TTLL10: variants seen among roughly 807,000 people sequenced by gnomAD.
The protein encoded by TTLL10 is tubulin tyrosine ligase like 10.
TTLL10 carries 61 observed loss-of-function variants against 69.0 expected under a neutral mutation model. That is an observed-to-expected ratio of 0.88 (90% CI 0.72 to 1.09). TTLL10 has a LOEUF of 1.09. TTLL10 is among the 50% of genes least tolerant of loss of function. The pLI, the probability that TTLL10 is intolerant of heterozygous loss-of-function variation, is 0.00. For missense variants in TTLL10, 962 were observed against 945.9 expected (o/e 1.02, Z -0.22); for synonymous variants, 408 against 393.3 (o/e 1.04, Z -0.44).
chr1:1,183,647 C>T (rs1168021704), intron 11 of TTLL10, among the ~76,000 whole-genome samples: 1 of 152,252 alleles, frequency 6.6e-6, no homozygotes, highest in Non-Finnish European at 1.5e-5. Flanking sequence ...TCCTTCCCTT[C>T]CTCTCCAAAG....
At position 1,197,751 on chromosome 1, in the gene TTLL10, G is replaced by C; in HGVS notation, c.1926G>C (p.Thr642=). 3.3e-6 allele frequency: 5 copies of C among 1,535,294 alleles called. No individual in the cohort carries two copies. Among genetic ancestry groups the C allele is most frequent in the Non-Finnish European group, 4.4e-6 (5 of 1,142,880 alleles). Reference sequence around the variant, plus strand: ...ATGGGGAGCCCCAGGCCCCGGGCACGGAGCAGTCGGGCACAGGCAACAGGC... The same window carrying C: ...ATGGGGAGCCCCAGGCCCCGGGCACCGAGCAGTCGGGCACAGGCAACAGGC... ...AHDGEPQAPG[T]EQSGTGNRHP... is the part of the protein sequence containing the mutation. The change falls in exon 16 of 16, where the codon ACG becomes ACC. Residue 642 remains threonine (T), a synonymous_variant. Transcript: ENST00000379289.
chr1:1,180,919 C>T, intron 8 of TTLL10, 59 bp downstream of exon 8: 1 of 1,442,292 alleles, frequency 6.9e-7, no homozygotes, highest in Non-Finnish European at 9.2e-7. Flanking sequence ...CTGCCCCTGC[C>T]CCTGCCCCTG....
At chr1:1,182,799 A>G (rs1647112995) in intron 10 of TTLL10, 77 bp from the exon 11 acceptor site, 58 of 1,470,912 alleles carry the variant, frequency 3.9e-5, no homozygotes, top group Non-Finnish European at 4.7e-5. Flanking sequence ...CCTGGAGGGG[A>G]GGGTCCTGGT....
At position 1,179,734 on chromosome 1, in the gene TTLL10, G is replaced by T. The variant is rs552718861; in HGVS notation, c.196G>T (p.Val66Phe). 3.9e-6 allele frequency: 6 copies of T among 1,548,892 alleles called. No homozygotes were observed. Among genetic ancestry groups the T allele is most frequent in the Non-Finnish European group, 5.2e-6 (6 of 1,146,224 alleles). ...GPCPAPGHCP[V>F]GPAHERPMGS... is the part of the protein sequence containing the mutation. ...CTGCCCTGCACCAGGCCACTGCCCT[G>T]TTGGTGAGGAGGGTCGGAGGGGCGA... Residue 66 changes from valine to phenylalanine, a missense_variant, in exon 5 of 16, where the codon GTT (valine) becomes TTT (phenylalanine). Coordinates refer to ENST00000379289, the MANE Select transcript of TTLL10 (RefSeq NM_001130045.2).
intron 3 of TTLL10, chr1:1,175,005 AC>A (rs1646831322): frequency 6.5e-6 from 1 of 152,696 alleles, no homozygotes; most frequent in Non-Finnish European, 1.5e-5. Context: ...AATCCCAGCT[AC>A]TCAGGAGGCT....
chr1:1,176,316 G>A (rs1247924399), intron 3 of TTLL10: 3 of 447,794 alleles, frequency 6.7e-6, no homozygotes, highest in Non-Finnish European at 1.3e-5. Flanking sequence ...TGTGCAGGTG[G>A]AGAGAGGCTG....
intron 3 of TTLL10, chr1:1,175,258 T>C: frequency 4.9e-6 from 1 of 203,240 alleles, no homozygotes. Flanking sequence ...AATCAGCACC[T>C]GGCTGCCTCT....
chr1:1,180,302 G>C lies in TTLL10; in HGVS notation c.468G>C (p.Gly156=). ...CATCGCCCCACAGCACCCGGCCGGG[G>C]CCCTTCTTCTACATTGGAGGCAGCA... ...GKPSPHSTRP[G]PFFYIGGSNG... The change falls in exon 6 of 16, where the codon GGG becomes GGC. Residue 156 remains glycine (G), a synonymous_variant. Transcript: ENST00000379289. 6.3e-7 allele frequency: 1 copy of C among 1,586,938 alleles called. No homozygotes were observed. Among genetic ancestry groups the C allele is most frequent in the Non-Finnish European group, 8.6e-7 (1 of 1,167,696 alleles).
chr1:1,190,907 C>T (rs1019279746), intron 13 of TTLL10, among the ~76,000 whole-genome samples: 1 of 152,052 alleles, frequency 6.6e-6, no homozygotes, highest in African/African-American at 2.4e-5. Flanking sequence ...CTCACTGCAG[C>T]CTCTGCCTCC....
chr1:1,176,367 AGAGAGGCTGACGCTGTACAGCTG>A (rs1646873369), intron 3 of TTLL10: 1 of 455,382 alleles, frequency 2.2e-6, no homozygotes, highest in Admixed American at 2.4e-5. Flanking sequence ...GTGCAGCTGG[AGAGAGGCTGACGCTGTACAGCTG>A]GAGAGGCTGG....
Position 1,181,589 on chromosome 1 carries a change from T to TC in TTLL10, c.756-147dup. ...TCCAGCCTAGAGCAACACAGCTGTT[T>TC]CCCCCAGGCACCGCCGTCCACCCAG... On this transcript the variant is annotated intron_variant, in intron 8 of 15. Coordinates refer to ENST00000379289, the MANE Select transcript of TTLL10 (RefSeq NM_001130045.2). The surrounding 1 kb of genome is among the most constrained non-coding windows in gnomAD (Gnocchi z 4.6). The TC allele has an allele frequency of 1.5e-6, 1 of 678,082 alleles. No homozygotes were observed. 42.0% of individuals were successfully genotyped at this position (678,082 alleles called of 1,614,324 possible).
chr1:1,180,907 GCCTGCC>G (rs1185720690), intron 8 of TTLL10, 47 bp downstream of exon 8: 82 of 1,299,190 alleles, frequency 6.3e-5, no homozygotes, highest in Non-Finnish European at 7.8e-5. Flanking sequence ...CCGCCCCTAC[GCCTGCC>G]CCTGCCCCTG....
intron 5 of TTLL10, 82 bp downstream of exon 5, chr1:1,179,819 T>G: frequency 6.8e-7 from 1 of 1,468,900 alleles, no homozygotes; most frequent in Non-Finnish European, 9.0e-7. Context: ...GCAGGAAGCC[T>G]GGCCCTGGAG....
At chr1:1,182,303 C>T in intron 9 of TTLL10, 58 bp from the exon 10 acceptor site, 1 of 1,526,630 alleles carries the variant, frequency 6.6e-7, no homozygotes, top group Non-Finnish European at 9.1e-7. Context: ...CCTCAAACCG[C>T]CCACCCAGCC....
At position 1,197,734 on chromosome 1, in the gene TTLL10, C is replaced by A. The variant is rs1648343803; in HGVS notation, c.1909C>A (p.Pro637Thr). The A allele has an allele frequency of 6.5e-7, 1 of 1,533,198 alleles. No individual in the cohort carries two copies. 95.0% of individuals were successfully genotyped at this position (1,533,198 alleles called of 1,614,324 possible). ...PDLDSAHDGE[P>T]QAPGTEQSGT... ...CCTGGACAGCGCCCACGATGGGGAG[C>A]CCCAGGCCCCGGGCACGGAGCAGTC... The change falls in exon 16 of 16, where the codon CCC becomes ACC. Residue 637 changes from proline to threonine, a missense_variant. Transcript: ENST00000379289.
intron 13 of TTLL10, among the ~76,000 whole-genome samples, chr1:1,190,604 A>G (rs1647699605): frequency 6.7e-6 from 1 of 149,966 alleles, no homozygotes; most frequent in Non-Finnish European, 1.5e-5. Flanking sequence ...ATTTTTTTGT[A>G]TTTCTAATGG....
Position 1,196,727 on chromosome 1 carries a change from G to A in TTLL10, c.1518+11G>A, listed in dbSNP as rs927422154. The A allele has an allele frequency of 2.8e-5, 42 of 1,515,140 alleles. No individual in the cohort carries two copies. The highest frequency in any genetic ancestry group is 3.4e-5 in the Non-Finnish European group (38 of 1,113,636). The allele number at this position is 1,515,140 out of a possible 1,614,324, so 93.9% of individuals were successfully genotyped here. On this transcript the variant is annotated intron_variant, in intron 14 of 15. Coordinates refer to ENST00000379289, the MANE Select transcript of TTLL10 (RefSeq NM_001130045.2). ...GATGACAACTTCAAGGTGCTGTCCT[G>A]GGCGGCGGGGGGCACAGTAGACAGA...
In TTLL10 at chr1:1,182,900, C is replaced by T; in HGVS notation, c.941C>T (p.Pro314Leu). 2 of 1,591,432 alleles carry T rather than the reference C, an allele frequency of 1.3e-6. No individual in the cohort carries two copies. The highest frequency in any genetic ancestry group is 4.6e-5 in the East Asian group (2 of 43,694). The change falls in exon 11 of 16, where the codon CCC becomes CTC. Residue 314 changes from proline (P) to leucine (L), a missense_variant. Transcript: ENST00000379289. ...FDETQIWICK[P>L]TASNQGKGIF... ...GAAACCCAGATATGGATCTGCAAGC[C>T]CACAGCCTCCAACCAGGGCAAAGGC...
intron 10 of TTLL10, 104 bp downstream of exon 10, chr1:1,182,550 C>T (rs902684650): frequency 1.2e-5 from 15 of 1,231,378 alleles, no homozygotes; most frequent in African/African-American, 4.5e-5. Context: ...GGAGGGGCTG[C>T]GTGGGGCTGG....
Sources: allele counts gnomAD v4.1 joint callset (sites outside exome capture counted in the v4.1 genomes callset), GRCh38; gene constraint gnomAD v4.1.1; non-coding constraint Gnocchi (gnomAD v3.1); transcripts MANE v1.5; gene names NCBI Gene and HGNC (gene_info 2026-07-23, HGNC 2026-07-21).